MEP1A: variants seen among roughly 807,000 people sequenced by gnomAD.
MEP1A encodes the protein meprin A subunit alpha.
MEP1A carries 68 observed loss-of-function variants against 84.5 expected under a neutral mutation model. That is an observed-to-expected ratio of 0.80 (90% CI 0.66 to 0.98). The LOEUF (loss-of-function observed/expected upper bound fraction) is 0.98, where lower values mean the gene tolerates loss of function less well. MEP1A is among the 50% of genes least tolerant of loss of function. The pLI is 0.00. For synonymous variants in MEP1A, 337 were observed against 336.8 expected (o/e 1.00, Z -0.01); for missense variants, 887 against 919.9 (o/e 0.96, Z 0.46).
chr6:46,820,847 C>A (rs967082335), intron 7 of MEP1A, among the ~76,000 whole-genome samples: 5 of 151,814 alleles, frequency 3.3e-5, no homozygotes, highest in African/African-American at 1.2e-4. Context: ...GAAGAGAATG[C>A]AAAAACATTG....
chr6:46,844,373 A>G (rs1433579838), downstream of MEP1A, among the ~76,000 whole-genome samples: 2 of 152,062 alleles, frequency 1.3e-5, no homozygotes, highest in Non-Finnish European at 2.9e-5. Context: ...GTTGCAGCTA[A>G]CAGTGATATC....
At chr6:46,824,871 GAT>G (rs1767882854) in intron 7 of MEP1A, among the ~76,000 whole-genome samples, 1 of 83,294 alleles carries the variant, frequency 1.2e-5, no homozygotes, top group African/African-American at 6.0e-5. Context: ...TATTTAAATA[GAT>G]CTATTTAAAT....
intron 4 of MEP1A, 122 bp from the exon 5 acceptor site, chr6:46,798,984 T>C (rs1285474877): frequency 3.0e-6 from 2 of 677,752 alleles, no homozygotes; most frequent in African/African-American, 1.8e-5. Flanking sequence ...AAAAGACAAA[T>C]TGCCACTAAA....
rs778514541 is a variant in MEP1A, at chr6:46,819,588, G to A, written c.440G>A (p.Cys147Tyr). The A allele has an allele frequency of 4.3e-6, 7 of 1,614,082 alleles. No individual in the cohort carries two copies. The highest frequency in any genetic ancestry group is 2.2e-5 in the South Asian group (2 of 91,074). ...VGQNISIGQG[C>Y]AYKAIIEHEI... is the part of the protein sequence containing the mutation. ...CAGAACATTTCCATTGGCCAAGGATGTGCCTATAAGGCCATCATAGAACAC... is the reference window on the plus strand; with the variant it reads ...CAGAACATTTCCATTGGCCAAGGATATGCCTATAAGGCCATCATAGAACAC... The change falls in exon 7 of 14, where the codon TGT (cysteine) becomes TAT (tyrosine). Residue 147 changes from cysteine (C) to tyrosine (Y), a missense_variant. Cys to Tyr is a radical substitution (Grantham distance 194). Coordinates refer to ENST00000230588, the MANE Select transcript of MEP1A (RefSeq NM_005588.3).
chr6:46,842,475 G>T (rs1385240346), downstream of MEP1A, among the ~76,000 whole-genome samples: 1 of 152,152 alleles, frequency 6.6e-6, no homozygotes, highest in East Asian at 1.9e-4. Context: ...ATGCAGTTGA[G>T]ATAAGGACTG....
rs1372385151 is a variant in MEP1A at position 46,804,002 on chromosome 6, A to G, written c.262+4821A>G. ...ATATTTTCCATCTACATGCTTCATAAGTCTCGCACTATAGTGTTAGAATTT... is the reference window on the plus strand; with the variant it reads ...ATATTTTCCATCTACATGCTTCATAGGTCTCGCACTATAGTGTTAGAATTT... On this transcript the variant is annotated intron_variant, in intron 5 of 13. Transcript: ENST00000230588. Among the ~76,000 whole-genome samples, 6 of 151,686 alleles carry G rather than the reference A, an allele frequency of 4.0e-5. No individual in the cohort carries two copies. The South Asian group carries it at 1.0e-3, about 26-fold the overall frequency.
At chr6:46,805,666 T>C (rs142917109) in intron 5 of MEP1A, among the ~76,000 whole-genome samples, 1 of 152,008 alleles carries the variant, frequency 6.6e-6, no homozygotes, top group Admixed American at 6.6e-5. Context: ...CTGTATGTAA[T>C]GTCTTTTTTC....
intron 6 of MEP1A, among the ~76,000 whole-genome samples, chr6:46,812,764 T>C (rs1767535731): frequency 6.6e-6 from 1 of 152,154 alleles, no homozygotes; most frequent in Non-Finnish European, 1.5e-5. Context: ...TTTCCATGCA[T>C]TTGCATGGTT....
chr6:46,839,911 ATC>A (rs1768303548), downstream of MEP1A: 1 of 152,148 alleles, frequency 6.6e-6, no homozygotes, highest in Non-Finnish European at 1.5e-5. Context: ...GTACAACATT[ATC>A]ATATTAACAA....
intron 5 of MEP1A, among the ~76,000 whole-genome samples, chr6:46,802,025 G>A (rs1767206848): frequency 6.6e-6 from 1 of 151,878 alleles, no homozygotes; most frequent in Non-Finnish European, 1.5e-5. Context: ...CTTGAATTGA[G>A]TGTTCCAGCT....
chr6:46,796,011 A>G (rs1419648294), intron 3 of MEP1A, among the ~76,000 whole-genome samples: 4 of 152,086 alleles, frequency 2.6e-5, no homozygotes, highest in African/African-American at 7.2e-5. Context: ...GTGTGAGTCA[A>G]TCTGCCCCTG....
chr6:46,817,816 A>C (rs935510930), intron 6 of MEP1A, among the ~76,000 whole-genome samples: 1 of 152,200 alleles, frequency 6.6e-6, no homozygotes, highest in African/African-American at 2.4e-5. Context: ...TGGGAAACCT[A>C]ATCACCTATG....
intron 5 of MEP1A, among the ~76,000 whole-genome samples, chr6:46,802,353 T>A (rs1480455556): frequency 6.6e-6 from 1 of 151,904 alleles, no homozygotes; most frequent in Non-Finnish European, 1.5e-5. Context: ...AAATGAAATT[T>A]AAAAAATTTT....
chr6:46,807,836 A>AAAGG lies in MEP1A; in HGVS notation c.263-1580_263-1577dup, dbSNP rs200442572. On this transcript the variant is annotated intron_variant, in intron 5 of 13. Transcript: ENST00000230588. Reference sequence around the variant, plus strand: ...GAAAGAAAGAAAGAAAGAAAGAAAGAAAGGAAGAAAGGAAATAAATCAGTC... The same window carrying AAAGG: ...GAAAGAAAGAAAGAAAGAAAGAAAGAAAGGAAGGAAGAAAGGAAATAAATCAGTC... Among the ~76,000 whole-genome samples the AAAGG allele has an allele frequency of 1.2e-4, 14 of 113,746 alleles. 2 individuals carry two copies. Among genetic ancestry groups the AAAGG allele is most frequent in the East Asian group, 2.4e-4 (1 of 4,192 alleles). 74.6% of individuals were successfully genotyped at this position (113,746 alleles called of 152,430 possible). A position where few individuals can be genotyped will look rare whatever the true frequency, so the allele number is the denominator to read the frequency against.
At chr6:46,842,600 T>C (rs1415888070), downstream of MEP1A, among the ~76,000 whole-genome samples, 1 of 152,216 alleles carries the variant, frequency 6.6e-6, no homozygotes, top group Non-Finnish European at 1.5e-5. Context: ...TCTGTTAAGA[T>C]GTTTATCAAG....
chr6:46,828,008 T>G (rs1340729546), intron 9 of MEP1A, among the ~76,000 whole-genome samples: 1 of 152,172 alleles, frequency 6.6e-6, no homozygotes, highest in African/African-American at 2.4e-5. Context: ...AGAGAGCTCT[T>G]GCATAGTTAC....
At chr6:46,843,910 A>G (rs1197778922), downstream of MEP1A, among the ~76,000 whole-genome samples, 1 of 152,222 alleles carries the variant, frequency 6.6e-6, no homozygotes, top group East Asian at 1.9e-4. Flanking sequence ...AGCAGAATCT[A>G]TTATTCTTGT....
At chr6:46,796,209 C>T (rs369661671) in intron 3 of MEP1A, among the ~76,000 whole-genome samples, 5 of 152,276 alleles carry the variant, frequency 3.3e-5, no homozygotes, top group African/African-American at 9.6e-5. Flanking sequence ...GGTGGGGGCT[C>T]ATCAACGGGT....
At chr6:46,805,175 G>A (rs1269353799) in intron 5 of MEP1A, among the ~76,000 whole-genome samples, 3 of 151,768 alleles carry the variant, frequency 2.0e-5, no homozygotes, top group African/African-American at 7.3e-5. Context: ...CATATCTCTG[G>A]TGTAAATAAG....
Sources: gnomAD v4.1 joint callset for allele counts (sites outside exome capture counted in the v4.1 genomes callset) on GRCh38, gnomAD v4.1.1 for gene constraint, MANE v1.5 for transcripts, NCBI Gene and HGNC (gene_info 2026-07-23, HGNC 2026-07-21) for gene names.